TTC33: variants seen among roughly 807,000 people sequenced by gnomAD.
TTC33 encodes tetratricopeptide repeat domain 33.
Under a neutral mutation model 29.4 loss-of-function variants are expected in TTC33, and 24 were observed. The ratio of observed to expected loss-of-function variants is 0.82; its 90% confidence interval spans 0.59 to 1.15. The LOEUF is 1.15. Among genes scored for constraint, TTC33 ranks in the 50% most tolerant of loss-of-function variants. The probability of loss-of-function intolerance (pLI) is 0.00; values close to 1 mark genes in which losing one functional copy is unlikely to be tolerated. For missense variants in TTC33, 286 were observed against 310.4 expected (o/e 0.92, Z 0.59); for synonymous variants, 107 against 100.3 (o/e 1.07, Z -0.40).
intron 2 of TTC33, among the ~76,000 whole-genome samples, chr5:40,746,385 T>G (rs1045961908): frequency 2.6e-5 from 4 of 151,288 alleles, no homozygotes; most frequent in Non-Finnish European, 5.9e-5. Context: ...AAATACCTAT[T>G]TTTTTTTATG....
At position 40,712,004 on chromosome 5, in the gene TTC33, G is replaced by T. The variant is rs971209105; in HGVS notation, c.*4141C>A. Among the ~76,000 whole-genome samples, 1 of 152,062 alleles carries T rather than the reference G, an allele frequency of 6.6e-6. No individual in the cohort carries two copies. The highest frequency in any genetic ancestry group is 2.4e-5 in the African/African-American group (1 of 41,406). Reference sequence around the variant, plus strand: ...CAGGATGGTAGTGGTGGTGAAGTGGGTGTTTACATTTGTCAAAACTCTCCC... The same window carrying T: ...CAGGATGGTAGTGGTGGTGAAGTGGTTGTTTACATTTGTCAAAACTCTCCC... On this transcript the variant is annotated 3_prime_UTR_variant, in exon 5 of 5. Transcript: ENST00000337702.
At chr5:40,731,650 A>C (rs1193021192) in intron 2 of TTC33, among the ~76,000 whole-genome samples, 1 of 152,228 alleles carries the variant, frequency 6.6e-6, no homozygotes, top group African/African-American at 2.4e-5. Flanking sequence ...AACTGCCGCC[A>C]TAATTCAATT....
chr5:40,722,688 A>C (rs1178996682), intron 4 of TTC33, among the ~76,000 whole-genome samples: 1 of 150,850 alleles, frequency 6.6e-6, no homozygotes, highest in Non-Finnish European at 1.5e-5. Flanking sequence ...CAGTCTGGGA[A>C]GTGAGGAGCG....
At chr5:40,726,172 C>A (rs1442744015) in intron 4 of TTC33, among the ~76,000 whole-genome samples, 1 of 149,726 alleles carries the variant, frequency 6.7e-6, no homozygotes, top group Non-Finnish European at 1.5e-5. Flanking sequence ...CACACACACA[C>A]ACGTATATAT....
At chr5:40,721,665 A>T (rs906551551) in intron 4 of TTC33, among the ~76,000 whole-genome samples, 1 of 151,744 alleles carries the variant, frequency 6.6e-6, no homozygotes, top group Admixed American at 6.6e-5. Context: ...GAGTCTTATG[A>T]CTCCTACAAA....
chr5:40,719,474 C>T (rs1185773834), intron 4 of TTC33, among the ~76,000 whole-genome samples: 1 of 152,040 alleles, frequency 6.6e-6, no homozygotes, highest in Non-Finnish European at 1.5e-5. Flanking sequence ...TGAGTTGTTT[C>T]CACTTCTTGG....
At position 40,713,668 on chromosome 5, in the gene TTC33, G is replaced by A. The variant is rs1296810738; in HGVS notation, c.*2477C>T. ...CATGGTCTGGATGTCTAGACACTCT[G>A]ACTAATGAGTGTCTATGCCATACAA... On this transcript the variant is annotated 3_prime_UTR_variant, in exon 5 of 5. Transcript: ENST00000337702. Among the ~76,000 whole-genome samples the A allele has an allele frequency of 1.3e-5, 2 of 152,138 alleles. No individual in the cohort carries two copies. The highest frequency in any genetic ancestry group is 2.4e-5 in the African/African-American group (1 of 41,442).
At chr5:40,717,458 C>T (rs1742026865) in intron 4 of TTC33, among the ~76,000 whole-genome samples, 1 of 152,088 alleles carries the variant, frequency 6.6e-6, no homozygotes, top group Admixed American at 6.5e-5. Context: ...ACAAGAACTC[C>T]ACTACAGTCT....
rs1292158938 is a variant in TTC33 at position 40,713,893 on chromosome 5, A to G, written c.*2252T>C. Among the ~76,000 whole-genome samples the G allele has an allele frequency of 1.3e-5, 2 of 152,164 alleles. No homozygotes were observed. The highest frequency in any genetic ancestry group is 2.9e-5 in the Non-Finnish European group (2 of 68,018). ...CACATCCTTGTAAAATAATGGGTGC[A>G]TTTTTCTCTTCACGCATAGAAGAGT... On this transcript the variant is annotated 3_prime_UTR_variant, in exon 5 of 5. Transcript: ENST00000337702.
At position 40,714,241 on chromosome 5, in the gene TTC33, CAA is replaced by C. The variant is rs1240362105; in HGVS notation, c.*1902_*1903del. ...TTACTTTCAGATAAGGAAAGGATTA[CAA>C]AAAAAGTTCTCCTTTTTTAAAATCA... On this transcript the variant is annotated 3_prime_UTR_variant, in exon 5 of 5. Transcript: ENST00000337702. 6.6e-6 allele frequency among the ~76,000 whole-genome samples: 1 copy of C among 152,040 alleles called. No individual in the cohort carries two copies. The highest frequency in any genetic ancestry group is 1.5e-5 in the Non-Finnish European group (1 of 67,990).
rs1176947261 is a variant in TTC33 at position 40,714,597 on chromosome 5, T to C, written c.*1548A>G. On this transcript the variant is annotated 3_prime_UTR_variant, in exon 5 of 5. Transcript: ENST00000337702. ...CTATTTACGTTTTGAGAATGTTCTT[T>C]ATTAAACAAAATAAAATAATTAACA... 6.6e-6 allele frequency: 1 copy of C among 152,200 alleles called. No individual in the cohort carries two copies. The highest frequency in any genetic ancestry group is 1.5e-5 in the Non-Finnish European group (1 of 67,984). 9.4% of individuals were successfully genotyped at this position (152,200 alleles called of 1,614,324 possible).
At chr5:40,728,570 A>T in intron 3 of TTC33, 94 bp from the exon 4 acceptor site, 1 of 1,234,468 alleles carries the variant, frequency 8.1e-7, no homozygotes, top group Non-Finnish European at 1.1e-6. Flanking sequence ...ATATATTTTT[A>T]GTCCAGTAAA....
intron 2 of TTC33, among the ~76,000 whole-genome samples, chr5:40,742,718 G>A (rs1285081308): frequency 1.3e-5 from 2 of 152,142 alleles, no homozygotes; most frequent in East Asian, 3.9e-4. Flanking sequence ...ACCCAGAATA[G>A]AGCAATTATT....
At chr5:40,755,724 C>G (rs530272933) in intron 1 of TTC33, 100 bp downstream of exon 1, 1 of 152,862 alleles carries the variant, frequency 6.5e-6, no homozygotes, top group Non-Finnish European at 1.5e-5. Flanking sequence ...CAGCTTCCAC[C>G]GCCGACCGGG....
chr5:40,747,183 G>A (rs921030515), intron 1 of TTC33, among the ~76,000 whole-genome samples, 164 bp from the exon 2 acceptor site: 4 of 151,476 alleles, frequency 2.6e-5, no homozygotes, highest in African/African-American at 7.3e-5. Context: ...TCAGCCTCCC[G>A]AATAGCTGGG....
intron 2 of TTC33, among the ~76,000 whole-genome samples, chr5:40,735,868 C>T (rs1404088795): frequency 6.6e-6 from 1 of 152,068 alleles, no homozygotes; most frequent in Non-Finnish European, 1.5e-5. Flanking sequence ...ATAACCTTTA[C>T]AAAAGCAGTT....
In TTC33 at chr5:40,730,260, A is replaced by T; in HGVS notation, c.303+2T>A. On this transcript the variant is annotated splice_donor_variant, in intron 3 of 4. Coordinates refer to ENST00000337702, the MANE Select transcript of TTC33 (RefSeq NM_012382.3). LOFTEE classifies it high-confidence loss of function. ...GAAAGTGAAATTCTTCATAATTATT[A>T]CCTGTGATTTCATCTCGTATAGGGT... 1.3e-6 allele frequency: 2 copies of T among 1,593,176 alleles called. No individual in the cohort carries two copies. Among genetic ancestry groups the T allele is most frequent in the Non-Finnish European group, 1.7e-6 (2 of 1,166,374 alleles).
intron 4 of TTC33, among the ~76,000 whole-genome samples, chr5:40,719,351 G>C (rs1291951989): frequency 6.6e-6 from 1 of 152,080 alleles, no homozygotes; most frequent in Non-Finnish European, 1.5e-5. Flanking sequence ...TTAACATATT[G>C]TTTTTAAAGT....
chr5:40,722,195 A>G (rs1017161505), intron 4 of TTC33, among the ~76,000 whole-genome samples: 1 of 151,208 alleles, frequency 6.6e-6, no homozygotes, highest in Non-Finnish European at 1.5e-5. Context: ...ACAGAGGGAG[A>G]CTCTGTCTCA....
Sources: allele counts gnomAD v4.1 joint callset (sites outside exome capture counted in the v4.1 genomes callset), GRCh38; gene constraint gnomAD v4.1.1; transcripts MANE v1.5; gene names NCBI Gene and HGNC (gene_info 2026-07-23, HGNC 2026-07-21).